The following SLN variants were observed in gnomAD, a reference collection of about 807,000 sequenced individuals.
SLN encodes the protein sarcolipin.
For synonymous variants in SLN, 19 were observed against 14.4 expected (o/e 1.32, Z -0.72); for missense variants, 34 against 37.4 (o/e 0.91, Z 0.24).
Position 107,707,899 on chromosome 11 carries a change from T to C in SLN, c.32A>G (p.Asn11Ser). The C allele has an allele frequency of 6.2e-7, 1 of 1,613,984 alleles. No individual in the cohort carries two copies. The highest frequency in any genetic ancestry group is 8.5e-7 in the Non-Finnish European group (1 of 1,179,968). The change falls in exon 2 of 2, where the codon AAC (asparagine) becomes AGC (serine). Residue 11 changes from asparagine (N) to serine (S), a missense_variant. Coordinates refer to ENST00000305991, the MANE Select transcript of SLN (RefSeq NM_003063.3). MGINTRELFL[N>S]FTIVLITVIL... ...AACCGTAATCAAGACAATAGTGAAG[T>C]TGAGAAACAGCTCCCGGGTGTTTAT...
Position 107,707,832 on chromosome 11 carries a change from C to CT in SLN, c.*2dup, listed in dbSNP as rs1243108958. On this transcript the variant is annotated 3_prime_UTR_variant, in exon 2 of 2. Coordinates refer to ENST00000305991, the MANE Select transcript of SLN (RefSeq NM_003063.3). ...GTCAATCCCAGGACCATGGCATGGC[C>CT]TCTCAGTACTGATAGGACCTCACAA... 1.2e-6 allele frequency: 2 copies of CT among 1,609,532 alleles called. No individual in the cohort carries two copies. Among genetic ancestry groups the CT allele is most frequent in the Non-Finnish European group, 8.5e-7 (1 of 1,176,114 alleles).
chr11:107,710,021 G>C (rs1447400451), intron 1 of SLN, among the ~76,000 whole-genome samples: 2 of 152,100 alleles, frequency 1.3e-5, no homozygotes, highest in Non-Finnish European at 2.9e-5. Flanking sequence ...AAAGTAAACA[G>C]AATAAAATGA....
In SLN at chr11:107,707,997, C is replaced by T. The variant is rs1371226257; in HGVS notation, c.-67G>A. 4 of 966,304 alleles carry T rather than the reference C, an allele frequency of 4.1e-6. No homozygotes were observed. Among genetic ancestry groups the T allele is most frequent in the East Asian group, 4.8e-5 (2 of 41,918 alleles). 59.9% of individuals were successfully genotyped at this position (966,304 alleles called of 1,614,324 possible). A position where few individuals can be genotyped will look rare whatever the true frequency, so the allele number is the denominator to read the frequency against. ...GGCACACCAAGGACCTCTGGCTTCT[C>T]CTCACCTCCTGATAAAACATAACAA... On this transcript the variant is annotated 5_prime_UTR_variant, in exon 2 of 2. Transcript: ENST00000305991.
intron 1 of SLN, among the ~76,000 whole-genome samples, chr11:107,711,168 C>T (rs967674065): frequency 4.6e-5 from 7 of 151,932 alleles, no homozygotes; most frequent in African/African-American, 1.7e-4. Flanking sequence ...GTTTCTTGAC[C>T]TGGATGATAA....
At chr11:107,710,269 T>C (rs1591158981) in intron 1 of SLN, among the ~76,000 whole-genome samples, 1 of 152,292 alleles carries the variant, frequency 6.6e-6, no homozygotes, top group African/African-American at 2.4e-5. Context: ...GTCAAAACAA[T>C]TCAAGGAGAG....
chr11:107,707,645 T>C lies in SLN; in HGVS notation c.*190A>G, dbSNP rs1272543434. 1.9e-5 allele frequency: 10 copies of C among 517,956 alleles called. No individual in the cohort carries two copies. The highest frequency in any genetic ancestry group is 1.9e-5 in the African/African-American group (1 of 52,118). The allele number at this position is 517,956 out of a possible 1,614,324, so 32.1% of individuals were successfully genotyped here. ...TCCCTGGCAAACACTTGGCAGCCCT[T>C]GGGAGCAGCATCTTTGGAGAACACA... On this transcript the variant is annotated 3_prime_UTR_variant, in exon 2 of 2. Transcript: ENST00000305991.
In SLN at chr11:107,707,979, C is replaced by T. The variant is rs780028913; in HGVS notation, c.-49G>A. On this transcript the variant is annotated 5_prime_UTR_variant, in exon 2 of 2. Transcript: ENST00000305991. The stretch of plus-strand genomic sequence containing the variant: ...TGCAGGCAGATTTCTGAGGGCACAC[C>T]AAGGACCTCTGGCTTCTCCTCACCT... The T allele has an allele frequency of 1.4e-4, 189 of 1,339,760 alleles. No homozygotes were observed. The highest frequency in any genetic ancestry group is 3.5e-4 in the South Asian group (30 of 85,596). 83.0% of individuals were successfully genotyped at this position (1,339,760 alleles called of 1,614,324 possible). A position where few individuals can be genotyped will look rare whatever the true frequency, so the allele number is the denominator to read the frequency against.
chr11:107,708,085 A>G (rs1273627995), intron 1 of SLN, 80 bp from the exon 2 acceptor site: 2 of 637,542 alleles, frequency 3.1e-6, no homozygotes, highest in South Asian at 1.9e-5. Flanking sequence ...CCTCAAAGGA[A>G]ACAGAAGTGT....
intron 1 of SLN, among the ~76,000 whole-genome samples, chr11:107,710,176 C>T (rs1193190725): frequency 2.0e-5 from 3 of 152,124 alleles, no homozygotes; most frequent in Admixed American, 2.0e-4. Context: ...TGAAATAAAA[C>T]CATAGTCCAA....
In SLN at chr11:107,707,622, C is replaced by A; in HGVS notation, c.*213G>T. On this transcript the variant is annotated 3_prime_UTR_variant, in exon 2 of 2. Coordinates refer to ENST00000305991, the MANE Select transcript of SLN (RefSeq NM_003063.3). ...GAGTTGGGGAATAAATCTACCGTTC[C>A]CTGGCAAACACTTGGCAGCCCTTGG... is the stretch of plus-strand genomic sequence containing the variant. The A allele has an allele frequency of 2.0e-6, 1 of 500,718 alleles. No homozygotes were observed. Among genetic ancestry groups the A allele is most frequent in the South Asian group, 3.3e-5 (1 of 30,074 alleles). 31.0% of individuals were successfully genotyped at this position (500,718 alleles called of 1,614,324 possible). A position where few individuals can be genotyped will look rare whatever the true frequency, so the allele number is the denominator to read the frequency against.
At chr11:107,709,336 A>T (rs1010180944) in intron 1 of SLN, among the ~76,000 whole-genome samples, 4 of 152,226 alleles carry the variant, frequency 2.6e-5, no homozygotes, top group Admixed American at 2.6e-4. Flanking sequence ...GTGAAAGTTT[A>T]GGGAGAAAGG....
chr11:107,708,051 C>G (rs1867174602), intron 1 of SLN, 46 bp from the exon 2 acceptor site: 1 of 718,814 alleles, frequency 1.4e-6, no homozygotes, highest in Non-Finnish European at 2.5e-6. Context: ...AATGGGCATT[C>G]CTGTATAACA....
chr11:107,707,836 C>T lies in SLN; in HGVS notation c.95G>A (p.Ter32=), dbSNP rs1565405164. ...ATCCCAGGACCATGGCATGGCCTCT[C>T]AGTACTGATAGGACCTCACAAGGAG... The part of the protein sequence containing the change: ...MWLLVRSYQY[*] The change falls in exon 2 of 2, where the codon TGA becomes TAA. Residue 32 remains the stop codon, a stop_retained_variant. Transcript: ENST00000305991. 1 of 1,611,522 alleles carries T rather than the reference C, an allele frequency of 6.2e-7. No homozygotes were observed. Among genetic ancestry groups the T allele is most frequent in the Admixed American group, 1.7e-5 (1 of 59,996 alleles).
chr11:107,711,587 A>T (rs1266870361), intron 1 of SLN, among the ~76,000 whole-genome samples: 1 of 152,180 alleles, frequency 6.6e-6, no homozygotes, highest in Admixed American at 6.5e-5. Flanking sequence ...CATTCCCTGA[A>T]GTCAAGGTCA....
At position 107,707,778 on chromosome 11, in the gene SLN, C is replaced by T. The variant is rs1307994508; in HGVS notation, c.*57G>A. The T allele has an allele frequency of 1.5e-6, 2 of 1,305,280 alleles. No homozygotes were observed. Among genetic ancestry groups the T allele is most frequent in the South Asian group, 1.2e-5 (1 of 84,566 alleles). The allele number at this position is 1,305,280 out of a possible 1,614,324, so 80.9% of individuals were successfully genotyped here. On this transcript the variant is annotated 3_prime_UTR_variant, in exon 2 of 2. Coordinates refer to ENST00000305991, the MANE Select transcript of SLN (RefSeq NM_003063.3). ...CAATGACAGCAGTGGGGTCTCAGGG[C>T]ATAGAGCAGGCAGCTCCGGAGCATC...
intron 1 of SLN, among the ~76,000 whole-genome samples, chr11:107,709,756 A>G (rs1366897132): frequency 6.6e-6 from 1 of 152,190 alleles, no homozygotes; most frequent in East Asian, 1.9e-4. Flanking sequence ...TTTATATTTC[A>G]TCTCCCTTTT....
At chr11:107,711,146 T>C (rs929134295) in intron 1 of SLN, among the ~76,000 whole-genome samples, 1 of 152,278 alleles carries the variant, frequency 6.6e-6, no homozygotes, top group East Asian at 1.9e-4. Flanking sequence ...TTCTGGGTGC[T>C]GGCAATGATC....
At chr11:107,708,079 A>G (rs1565405264) in intron 1 of SLN, 74 bp from the exon 2 acceptor site, 1 of 646,044 alleles carries the variant, frequency 1.5e-6, no homozygotes, top group Non-Finnish European at 2.8e-6. Context: ...TTCTTTCCTC[A>G]AAGGAAACAG....
Position 107,707,703 on chromosome 11 carries a change from T to C in SLN, c.*132A>G, listed in dbSNP as rs1171878343. 2 of 670,058 alleles carry C rather than the reference T, an allele frequency of 3.0e-6. No homozygotes were observed. The highest frequency in any genetic ancestry group is 2.6e-5 in the East Asian group (1 of 39,214). 41.5% of individuals were successfully genotyped at this position (670,058 alleles called of 1,614,324 possible). A position where few individuals can be genotyped will look rare whatever the true frequency, so the allele number is the denominator to read the frequency against. ...TCCTAGCACTACAGCATAGCAGATA[T>C]TGTGAGTGCAGGTCACAGGTGCCCT... On this transcript the variant is annotated 3_prime_UTR_variant, in exon 2 of 2. Coordinates refer to ENST00000305991, the MANE Select transcript of SLN (RefSeq NM_003063.3).
Sources: gnomAD v4.1 joint callset for allele counts (sites outside exome capture counted in the v4.1 genomes callset) on GRCh38, gnomAD v4.1.1 for gene constraint, MANE v1.5 for transcripts, NCBI Gene and HGNC (gene_info 2026-07-23, HGNC 2026-07-21) for gene names.